The following HS6ST2 variants were observed in gnomAD, a reference collection of about 807,000 sequenced individuals.
HS6ST2 encodes the protein heparan-sulfate 6-O-sulfotransferase 2.
In HS6ST2, 17 loss-of-function variants were observed where a neutral mutation model predicts 33.0. The ratio of observed to expected loss-of-function variants is 0.52; its 90% confidence interval spans 0.35 to 0.77. The LOEUF is 0.77. HS6ST2 is among the 30% of genes least tolerant of loss of function. The probability of loss-of-function intolerance (pLI) is 0.01; values close to 1 mark genes in which losing one functional copy is unlikely to be tolerated. For missense variants in HS6ST2, 519 were observed against 551.7 expected, an observed-to-expected ratio of 0.94 and a Z score of 0.59; for synonymous variants, 248 against 237.1, an observed-to-expected ratio of 1.05 and a Z score of -0.42.
chrX:132,937,665 C>A (rs1055019745), intron 2 of HS6ST2, among the ~76,000 whole-genome samples: 2 of 111,419 alleles, frequency 1.8e-5, no homozygotes, highest in African/African-American at 6.5e-5. Flanking sequence ...TAAAACTGGA[C>A]CCTTAGCCCT....
chrX:132,864,886 G>A (rs1350949640), intron 2 of HS6ST2, among the ~76,000 whole-genome samples: 1 of 111,635 alleles, frequency 9.0e-6, no homozygotes, highest in East Asian at 2.8e-4. Context: ...ATCAACGGAA[G>A]CCCATCAGAC....
chrX:132,711,476 C>A (rs766259596), intron 2 of HS6ST2, among the ~76,000 whole-genome samples: 8 of 111,524 alleles, frequency 7.2e-5, no homozygotes, highest in Non-Finnish European at 1.3e-4. Flanking sequence ...TGGGCAAATT[C>A]TCTTCTCCAC....
At chrX:132,773,636 A>G (rs186642630) in intron 2 of HS6ST2, among the ~76,000 whole-genome samples, 1 of 112,397 alleles carries the variant, frequency 8.9e-6, no homozygotes, top group Non-Finnish European at 1.9e-5. Context: ...AGGGAATGTT[A>G]TTGGTCACAA....
intron 2 of HS6ST2, among the ~76,000 whole-genome samples, chrX:132,811,624 G>A (rs189816499): frequency 0.015 from 1,365 of 93,659 alleles, 27 homozygotes; most frequent in African/African-American, 0.05. Flanking sequence ...TCACCCATCC[G>A]TCACTTACCA....
At chrX:132,758,388 A>G (rs778121074) in intron 2 of HS6ST2, 1 of 112,074 alleles carries the variant, frequency 8.9e-6, no homozygotes, top group African/African-American at 3.2e-5. Flanking sequence ...AGCACATTCA[A>G]GTTACAGACA....
At chrX:132,871,068 A>C (rs1201052723) in intron 2 of HS6ST2, among the ~76,000 whole-genome samples, 1 of 112,139 alleles carries the variant, frequency 8.9e-6, no homozygotes, top group African/African-American at 3.2e-5. Context: ...AAGGAACTTA[A>C]ATTTACAAGA....
intron 3 of HS6ST2, among the ~76,000 whole-genome samples, chrX:132,696,873 C>G (rs2064108686): frequency 9.0e-6 from 1 of 111,482 alleles, no homozygotes; most frequent in South Asian, 3.8e-4. Flanking sequence ...TTTTATGATA[C>G]CTCTTCTTCC....
At chrX:132,863,359 G>A (rs2065931521) in intron 2 of HS6ST2, among the ~76,000 whole-genome samples, 1 of 111,385 alleles carries the variant, frequency 9.0e-6, no homozygotes, top group African/African-American at 3.3e-5. Context: ...TCACGCTGTT[G>A]CCCAGGCTCA....
intron 2 of HS6ST2, among the ~76,000 whole-genome samples, chrX:132,729,952 G>A (rs1022169086): frequency 5.5e-5 from 6 of 109,729 alleles, no homozygotes; most frequent in Non-Finnish European, 1.1e-4. Context: ...GTCAGTTAGA[G>A]GGTCTGGGTT....
At chrX:132,765,624 T>C (rs1406749437) in intron 2 of HS6ST2, among the ~76,000 whole-genome samples, 3 of 110,647 alleles carry the variant, frequency 2.7e-5, no homozygotes, top group African/African-American at 9.9e-5. Context: ...GCCCAGCTAA[T>C]GTTTTTTGTA....
chrX:132,730,521 G>C (rs1388145533), intron 2 of HS6ST2, among the ~76,000 whole-genome samples: 3 of 112,008 alleles, frequency 2.7e-5, no homozygotes, highest in African/African-American at 6.5e-5. Flanking sequence ...ACCCACCAGA[G>C]AGGGATTTTC....
At chrX:132,708,299 T>TAAAAAAA (rs36028236) in intron 3 of HS6ST2, among the ~76,000 whole-genome samples, 163 bp downstream of exon 3, 6 of 21,212 alleles carry the variant, frequency 2.8e-4, no homozygotes, top group Admixed American at 8.1e-4. Context: ...TGTTTTAAAC[T>TAAAAAAA]AAAAAAAAAA....
At chrX:132,670,266 C>G (rs1165839252) in intron 3 of HS6ST2, among the ~76,000 whole-genome samples, 1 of 111,737 alleles carries the variant, frequency 8.9e-6, no homozygotes, top group African/African-American at 3.3e-5. Context: ...ATTTATGAAC[C>G]TTTTAAGTAT....
intron 2 of HS6ST2, among the ~76,000 whole-genome samples, chrX:132,822,457 C>T (rs965252905): frequency 9.0e-6 from 1 of 111,401 alleles, no homozygotes; most frequent in Non-Finnish European, 1.9e-5. Context: ...ACAATCTCTC[C>T]TCATGCTCTA....
intron 2 of HS6ST2, among the ~76,000 whole-genome samples, chrX:132,885,015 C>A (rs760717395): frequency 9.0e-6 from 1 of 111,602 alleles, no homozygotes; most frequent in East Asian, 2.8e-4. Flanking sequence ...GAGGTGTAAA[C>A]CCAAGAGAAC....
intron 2 of HS6ST2, among the ~76,000 whole-genome samples, chrX:132,784,068 C>A (rs2065039309): frequency 9.0e-6 from 1 of 111,209 alleles, no homozygotes; most frequent in Admixed American, 9.6e-5. Context: ...GTATACACTT[C>A]TCACTCTTGT....
At chrX:132,828,269 G>A (rs1294226949) in intron 2 of HS6ST2, among the ~76,000 whole-genome samples, 1 of 110,517 alleles carries the variant, frequency 9.0e-6, no homozygotes, top group Non-Finnish European at 1.9e-5. Flanking sequence ...ACCTGCTACC[G>A]CACATGGTTC....
chrX:132,794,900 C>T (rs2065161082), intron 2 of HS6ST2, among the ~76,000 whole-genome samples: 1 of 110,173 alleles, frequency 9.1e-6, no homozygotes, highest in Non-Finnish European at 1.9e-5. Flanking sequence ...CTTTCCACTG[C>T]CCCGAAGTAC....
intron 2 of HS6ST2, among the ~76,000 whole-genome samples, chrX:132,896,628 C>T (rs1013189850): frequency 2.7e-5 from 3 of 111,400 alleles, no homozygotes; most frequent in African/African-American, 9.8e-5. Context: ...GATGGATACC[C>T]CATTTTACAT....
Sources: gnomAD v4.1 joint callset for allele counts (sites outside exome capture counted in the v4.1 genomes callset) on GRCh38, gnomAD v4.1.1 for gene constraint, MANE v1.5 for transcripts, NCBI Gene and HGNC (gene_info 2026-07-23, HGNC 2026-07-21) for gene names.